The following WDR27 variants were observed in gnomAD, a reference collection of about 807,000 sequenced individuals.
WDR27 encodes the protein WD repeat domain 27.
Under a neutral mutation model 114.4 loss-of-function variants are expected in WDR27, and 100 were observed. The ratio of observed to expected loss-of-function variants is 0.87; its 90% CI spans 0.74 to 1.03. WDR27 has a LOEUF of 1.03. Among genes scored for constraint, WDR27 ranks in the 50% least tolerant of loss-of-function variants. The pLI is 0.00. For missense variants in WDR27, 1,129 were observed against 1,092.9 expected, an observed-to-expected ratio of 1.03 and a Z score of -0.47; for synonymous variants, 449 against 423.1, an observed-to-expected ratio of 1.06 and a Z score of -0.75.
intron 25 of WDR27, among the ~76,000 whole-genome samples, chr6:169,462,909 C>T (rs1000849553): frequency 1.1e-4 from 16 of 152,170 alleles, no homozygotes; most frequent in Non-Finnish European, 1.9e-4. Context: ...ACAAATTCAA[C>T]ACATTTTCAT....
intron 25 of WDR27, among the ~76,000 whole-genome samples, chr6:169,541,092 C>T (rs1393495826): frequency 6.7e-6 from 1 of 149,734 alleles, no homozygotes; most frequent in African/African-American, 2.5e-5. Flanking sequence ...GAAAAGCAGA[C>T]TCAAATAAAA....
intron 21 of WDR27, among the ~76,000 whole-genome samples, chr6:169,617,551 T>A (rs961465311): frequency 1.3e-5 from 2 of 152,208 alleles, no homozygotes; most frequent in Non-Finnish European, 2.9e-5. Context: ...AATTTTTGTA[T>A]TTTTAGTAAA....
At chr6:169,637,258 C>A (rs1274399305) in intron 18 of WDR27, among the ~76,000 whole-genome samples, 1 of 152,208 alleles carries the variant, frequency 6.6e-6, no homozygotes, top group African/African-American at 2.4e-5. Flanking sequence ...CTAAAATATA[C>A]TTCCCCCACG....
intron 2 of WDR27, among the ~76,000 whole-genome samples, chr6:169,682,260 C>A (rs1473312602): frequency 1.3e-5 from 2 of 152,208 alleles, no homozygotes; most frequent in Admixed American, 1.3e-4. Context: ...GTTCTGGCCC[C>A]TCTCACTGCT....
intron 21 of WDR27, among the ~76,000 whole-genome samples, chr6:169,621,025 A>G (rs1812998296): frequency 1.3e-5 from 2 of 152,200 alleles, no homozygotes; most frequent in South Asian, 4.1e-4. Flanking sequence ...CTTGAGCACA[A>G]GGACTTTGCC....
Position 169,602,216 on chromosome 6 carries a change from T to C in WDR27, c.2424+3A>G. 1 of 1,548,594 alleles carries C rather than the reference T, an allele frequency of 6.5e-7. No homozygotes were observed. The highest frequency in any genetic ancestry group is 8.7e-7 in the Non-Finnish European group (1 of 1,143,088). ...CATTTATAGACAGTCAAACAGTACATACGTGTCTGTCCTCGGCCCCACAAG... is the reference window on the plus strand; with the variant it reads ...CATTTATAGACAGTCAAACAGTACACACGTGTCTGTCCTCGGCCCCACAAG... On this transcript the variant is annotated splice_donor_region_variant and intron_variant, in intron 23 of 25. Transcript: ENST00000448612.
intron 23 of WDR27, among the ~76,000 whole-genome samples, chr6:169,596,466 T>C (rs1806810389): frequency 6.6e-6 from 1 of 152,096 alleles, no homozygotes; most frequent in South Asian, 2.1e-4. Flanking sequence ...ATTCCTGTTG[T>C]CTAGCAATTT....
intron 25 of WDR27, among the ~76,000 whole-genome samples, chr6:169,555,654 C>T (rs1181053778): frequency 6.6e-6 from 1 of 152,094 alleles, no homozygotes; most frequent in Non-Finnish European, 1.5e-5. Flanking sequence ...ATTAGTGAGC[C>T]TTCACTTTTG....
At chr6:169,436,692 T>C in the WDR27 span, among the ~76,000 whole-genome samples, 7 of 152,100 alleles carry the variant, frequency 4.6e-5, no homozygotes. Context: ...TTATATTGAA[T>C]TAAATCATAG....
Position 169,638,650 on chromosome 6 carries a change from C to A in WDR27, c.1758G>T (p.Gly586=). The change falls in exon 18 of 26, where the codon GGG becomes GGT. Residue 586 remains glycine (G), a synonymous_variant. Coordinates refer to ENST00000448612, the MANE Select transcript of WDR27 (RefSeq NM_182552.5). ...GTPAVFSGHD[G]AVNAVCWSQD... ...GGCTCCAGCACACGGCATTCACTGC[C>A]CCGTCGTGACCTAACAGGAATGACC... is the stretch of plus-strand genomic sequence containing the variant. 6.2e-7 allele frequency: 1 copy of A among 1,603,078 alleles called. No homozygotes were observed. The highest frequency in any genetic ancestry group is 8.5e-7 in the Non-Finnish European group (1 of 1,174,814).
At chr6:169,544,881 A>T (rs1797259030) in intron 25 of WDR27, among the ~76,000 whole-genome samples, 3 of 152,252 alleles carry the variant, frequency 2.0e-5, no homozygotes, top group Admixed American at 2.0e-4. Context: ...GCTGACCATT[A>T]CAAAATGTTG....
chr6:169,481,009 C>T (rs1300551275), intron 25 of WDR27, among the ~76,000 whole-genome samples: 2 of 152,038 alleles, frequency 1.3e-5, no homozygotes, highest in Admixed American at 6.5e-5. Context: ...CCAATCAGCA[C>T]TCTGTCTAGC....
At chr6:169,587,377 C>G (rs890157661) in intron 23 of WDR27, among the ~76,000 whole-genome samples, 1 of 152,084 alleles carries the variant, frequency 6.6e-6, no homozygotes, top group Non-Finnish European at 1.5e-5. Flanking sequence ...TAGCACCACA[C>G]GCGGCTAGTT....
Position 169,582,881 on chromosome 6 carries a change from G to T in WDR27, c.2478C>A (p.His826Gln), listed in dbSNP as rs1803740646. ...AGGCCACTCCAGTGACAGTGTCTGTGTGCCCAGCCAGCCGGTGAGAAAACG... is the reference window on the plus strand; with the variant it reads ...AGGCCACTCCAGTGACAGTGTCTGTTTGCCCAGCCAGCCGGTGAGAAAACG... ...SSTFSHRLAG[H>Q]TDTVTGVAFN... The change falls in exon 24 of 26, where the codon CAC (histidine) becomes CAA (glutamine). Residue 826 changes from histidine to glutamine, a missense_variant. Physicochemically the swap from His to Gln is conservative, Grantham distance 24 (BLOSUM62 0). Transcript: ENST00000448612. The T allele has an allele frequency of 6.2e-7, 1 of 1,613,964 alleles. No individual in the cohort carries two copies. The highest frequency in any genetic ancestry group is 8.5e-7 in the Non-Finnish European group (1 of 1,179,892).
chr6:169,619,361 C>T (rs541862802), intron 21 of WDR27, among the ~76,000 whole-genome samples: 57 of 152,286 alleles, frequency 3.7e-4, no homozygotes, highest in African/African-American at 7.7e-4. Flanking sequence ...ATGAAATATC[C>T]TATGCGCCTC....
At chr6:169,599,338 A>T (rs974754457) in intron 23 of WDR27, among the ~76,000 whole-genome samples, 1 of 152,246 alleles carries the variant, frequency 6.6e-6, no homozygotes, top group African/African-American at 2.4e-5. Flanking sequence ...GCTATTCAGT[A>T]ACATCTATAA....
chr6:169,668,042 C>T lies in WDR27; in HGVS notation c.600G>A (p.Val200=), dbSNP rs779933649. 90 of 1,613,918 alleles carry T rather than the reference C, an allele frequency of 5.6e-5. 3 individuals are homozygous for T. The South Asian group carries it at 9.3e-4, about 17-fold the overall frequency. ...TGCCTGCTCGCCAGGGACAGAACTC[C>T]ACCGCAGTCACCGGGCCCAGGTGGC... The part of the protein sequence containing the change: ...LQGHLGPVTA[V]EFCPWRAGTL... The change falls in exon 5 of 26, where the codon GTG becomes GTA. Residue 200 remains valine, a synonymous_variant. Coordinates refer to ENST00000448612, the MANE Select transcript of WDR27 (RefSeq NM_182552.5).
intron 23 of WDR27, among the ~76,000 whole-genome samples, chr6:169,593,736 C>A (rs1806216826): frequency 6.6e-6 from 1 of 152,096 alleles, no homozygotes; most frequent in Non-Finnish European, 1.5e-5. Flanking sequence ...GTAATCCCAG[C>A]TACTCAGGAG....
chr6:169,633,171 C>T (rs769551561), intron 20 of WDR27, 103 bp from the exon 21 acceptor site: 21 of 1,216,824 alleles, frequency 1.7e-5, no homozygotes, highest in Non-Finnish European at 2.3e-5. Flanking sequence ...TTAGAAGACT[C>T]ATGAATGGAT....
Sources: gnomAD v4.1 joint callset for allele counts (sites outside exome capture counted in the v4.1 genomes callset) on GRCh38, gnomAD v4.1.1 for gene constraint, MANE v1.5 for transcripts, NCBI Gene and HGNC (gene_info 2026-07-23, HGNC 2026-07-21) for gene names.